Variants in MFGE8 observed in about 807,000 individuals in gnomAD.
MFGE8 encodes lactadherin.
MFGE8 carries 34 observed loss-of-function variants against 42.6 expected under a neutral mutation model. That is an observed-to-expected ratio of 0.80 (90% CI 0.61 to 1.06). The LOEUF (loss-of-function observed/expected upper bound fraction) is 1.06. MFGE8 is among the 50% of genes least tolerant of loss of function. The pLI is 0.00. For missense variants in MFGE8, 510 were observed against 516.9 expected (o/e 0.99, Z 0.13); for synonymous variants, 230 against 214.8 (o/e 1.07, Z -0.62).
In MFGE8 at chr15:88,906,334, C is replaced by A. The variant is rs570761395; in HGVS notation, c.540+292G>T. The A allele has an allele frequency of 1.2e-5, 6 of 483,292 alleles. No individual in the cohort carries two copies. Among genetic ancestry groups the A allele is most frequent in the African/African-American group, 5.9e-5 (3 of 51,212 alleles). The allele number at this position is 483,292 out of a possible 1,614,324, so 29.9% of individuals were successfully genotyped here. ...TACAACCTACACAACTGTACATGTA[C>A]CCATGAAGGCTCAGAATGAAACCCA... On this transcript the variant is annotated intron_variant, in intron 4 of 7. Coordinates refer to ENST00000268150, the MANE Select transcript of MFGE8 (RefSeq NM_005928.4). The surrounding 1 kb of genome is among the most constrained non-coding windows in gnomAD (Gnocchi z 4.2).
chr15:88,907,447 C>G, intron 2 of MFGE8, 71 bp from the exon 3 acceptor site: 2 of 1,420,160 alleles, frequency 1.4e-6, no homozygotes, highest in Non-Finnish European at 2.0e-6. Flanking sequence ...ACCCAGCGGA[C>G]AAGAAAATAA....
intron 1 of MFGE8, chr15:88,910,373 C>T (rs1035606978): frequency 1.5e-5 from 4 of 268,494 alleles, no homozygotes; most frequent in African/African-American, 8.8e-5. Flanking sequence ...GTTCCGCCCA[C>T]CAATTCAGGC....
Position 88,906,762 on chromosome 15 carries a change from C to A in MFGE8, c.404G>T (p.Arg135Met). 1 of 1,613,136 alleles carries A rather than the reference C, an allele frequency of 6.2e-7. No individual in the cohort carries two copies. The highest frequency in any genetic ancestry group is 8.5e-7 in the Non-Finnish European group (1 of 1,179,874). Reference protein sequence around the residue: ...NPWIQVNLLRRMWVTGVVTQG... With the variant: ...NPWIQVNLLRMMWVTGVVTQG... ...CGTCACCACACCTGTTACCCACATCCTCCGCAGCAGGTTCACCTGGACACA... is the reference window on the plus strand; with the variant it reads ...CGTCACCACACCTGTTACCCACATCATCCGCAGCAGGTTCACCTGGACACA... The change falls in exon 4 of 8, where the codon AGG (arginine) becomes ATG (methionine). Residue 135 changes from arginine (R) to methionine (M), a missense_variant. By Grantham distance (91) the Arg-to-Met change is moderately conservative (BLOSUM62 -1). Transcript: ENST00000268150. This position sits in a 1 kb window ranked among gnomAD's most constrained non-coding sequence, Gnocchi z 4.2.
intron 2 of MFGE8, 60 bp from the exon 3 acceptor site, chr15:88,907,436 G>A: frequency 6.7e-7 from 1 of 1,493,190 alleles, no homozygotes; most frequent in East Asian, 2.3e-5. Flanking sequence ...GCCCAGCTGG[G>A]ACCCAGCGGA....
intron 1 of MFGE8, 96 bp from the exon 2 acceptor site, chr15:88,910,019 C>T (rs1021531028): frequency 6.7e-7 from 1 of 1,482,710 alleles, no homozygotes; most frequent in African/African-American, 1.4e-5. Context: ...AAGGACCCTC[C>T]ACTCAAACTC....
intron 2 of MFGE8, among the ~76,000 whole-genome samples, chr15:88,908,478 A>G (rs78447241): frequency 1.8e-3 from 281 of 152,250 alleles, no homozygotes; most frequent in African/African-American, 6.6e-3. Flanking sequence ...TGTTGGCTCC[A>G]AGGAAACATA....
At chr15:88,900,821 A>G in intron 6 of MFGE8, 4 of 889,188 alleles carry the variant, frequency 4.5e-6, no homozygotes, top group Non-Finnish European at 5.4e-6. Context: ...GTCAGAGAAT[A>G]TGTATGCTGT....
At chr15:88,901,786 G>T in intron 5 of MFGE8, 51 bp from the exon 6 acceptor site, 10 of 1,562,450 alleles carry the variant, frequency 6.4e-6, no homozygotes, top group Non-Finnish European at 8.8e-6. Context: ...AGCTCCCAGG[G>T]GCAGGAGCAC....
rs1040728223 is a variant in MFGE8, at chr15:88,899,244, A to T, written c.*151T>A. 4.8e-6 allele frequency: 5 copies of T among 1,049,170 alleles called. No homozygotes were observed. The East Asian group carries it at 1.3e-4, about 27-fold the overall frequency. 65.0% of individuals were successfully genotyped at this position (1,049,170 alleles called of 1,614,324 possible). A position where few individuals can be genotyped will look rare whatever the true frequency, so the allele number is the denominator to read the frequency against. On this transcript the variant is annotated 3_prime_UTR_variant, in exon 8 of 8. Transcript: ENST00000268150. The surrounding 1 kb of genome is among the most constrained non-coding windows in gnomAD (Gnocchi z 6.8). ...GCCCGTGAGAGGTGGAGGGTGGGAA[A>T]GAGGGAGGGAGGGGTGACTGTGTGG...
chr15:88,902,573 G>C lies in MFGE8; in HGVS notation c.686-838C>G, dbSNP rs926158978. On this transcript the variant is annotated intron_variant, in intron 5 of 7. Transcript: ENST00000268150. This position sits in a 1 kb window ranked among gnomAD's most constrained non-coding sequence, Gnocchi z 4.3. Reference sequence around the variant, plus strand: ...CCAGAGGGCCTTCGCACACTCAAATGTTCTGGGGATGCTGTCACACAGGCC... The same window carrying C: ...CCAGAGGGCCTTCGCACACTCAAATCTTCTGGGGATGCTGTCACACAGGCC... 6.6e-6 allele frequency: 1 copy of C among 152,284 alleles called. No homozygotes were observed. Among genetic ancestry groups the C allele is most frequent in the African/African-American group, 2.4e-5 (1 of 41,466 alleles). The allele number at this position is 152,284 out of a possible 1,614,324, so 9.4% of individuals were successfully genotyped here. A position where few individuals can be genotyped will look rare whatever the true frequency, so the allele number is the denominator to read the frequency against.
At chr15:88,900,305 G>T (rs1898302521) in intron 6 of MFGE8, among the ~76,000 whole-genome samples, 1 of 151,714 alleles carries the variant, frequency 6.6e-6, no homozygotes, top group South Asian at 2.1e-4. Flanking sequence ...GCCACACATG[G>T]TGTTCGGTAC....
At chr15:88,900,057 A>G (rs1331963616) in intron 6 of MFGE8, among the ~76,000 whole-genome samples, 2 of 152,136 alleles carry the variant, frequency 1.3e-5, no homozygotes, top group African/African-American at 4.8e-5. Context: ...CCTGACCAAC[A>G]TGGTGAAACC....
chr15:88,908,664 C>G (rs145075664), intron 2 of MFGE8, among the ~76,000 whole-genome samples: 76 of 152,304 alleles, frequency 5.0e-4, no homozygotes, highest in African/African-American at 1.6e-3. Context: ...GTTACCTCAG[C>G]TCCCAGGATA....
intron 1 of MFGE8, chr15:88,910,382 G>T: frequency 3.8e-6 from 1 of 263,238 alleles, no homozygotes; most frequent in South Asian, 4.7e-5. Flanking sequence ...ACCAATTCAG[G>T]CACAGGTTGC....
Position 88,901,214 on chromosome 15 carries a change from C to T in MFGE8, c.870+337G>A, listed in dbSNP as rs1259778805. ...ACACATTCACACATTCACACACACA[C>T]ATTCACACATACACATTCACACACA... On this transcript the variant is annotated intron_variant, in intron 6 of 7. Transcript: ENST00000268150. Among the ~76,000 whole-genome samples the T allele has an allele frequency of 2.3e-5, 3 of 129,120 alleles. 1 individual carries two copies. The highest frequency in any genetic ancestry group is 8.1e-5 in the African/African-American group (3 of 36,848). 84.7% of individuals were successfully genotyped at this position (129,120 alleles called of 152,430 possible). A position where few individuals can be genotyped will look rare whatever the true frequency, so the allele number is the denominator to read the frequency against.
Position 88,899,276 on chromosome 15 carries a change from T to G in MFGE8, c.*119A>C, listed in dbSNP as rs1217873077. On this transcript the variant is annotated 3_prime_UTR_variant, in exon 8 of 8. Coordinates refer to ENST00000268150, the MANE Select transcript of MFGE8 (RefSeq NM_005928.4). The surrounding 1 kb of genome is among the most constrained non-coding windows in gnomAD (Gnocchi z 6.8). The stretch of plus-strand genomic sequence containing the variant: ...GGGAGGGGTGACTGTGTGGTGGTGC[T>G]GCCTCTGAACACCCTCCCCTTCCCC... 2 of 1,376,258 alleles carry G rather than the reference T, an allele frequency of 1.5e-6. No individual in the cohort carries two copies. Among genetic ancestry groups the G allele is most frequent in the Middle Eastern group, 2.5e-4 (1 of 4,038 alleles). 85.3% of individuals were successfully genotyped at this position (1,376,258 alleles called of 1,614,324 possible). A position where few individuals can be genotyped will look rare whatever the true frequency, so the allele number is the denominator to read the frequency against.
intron 2 of MFGE8, among the ~76,000 whole-genome samples, chr15:88,907,609 G>A (rs1898753856): frequency 6.6e-6 from 1 of 152,080 alleles, no homozygotes; most frequent in Non-Finnish European, 1.5e-5. Context: ...AGGGGGGTGG[G>A]CAGAGTCACG....
At chr15:88,908,539 C>G (rs981488468) in intron 2 of MFGE8, among the ~76,000 whole-genome samples, 1 of 152,162 alleles carries the variant, frequency 6.6e-6, no homozygotes, top group African/African-American at 2.4e-5. Context: ...GGGCTTCCTC[C>G]GCTGTGTGGT....
intron 2 of MFGE8, 30 bp from the exon 3 acceptor site, chr15:88,907,406 C>A: frequency 6.2e-7 from 1 of 1,610,684 alleles, no homozygotes; most frequent in Non-Finnish European, 8.5e-7. Flanking sequence ...AGTCAGGTGG[C>A]TACCCCAGCA....
Sources: gnomAD v4.1 joint callset for allele counts (sites outside exome capture counted in the v4.1 genomes callset) on GRCh38, gnomAD v4.1.1 for gene constraint, Gnocchi (gnomAD v3.1) non-coding constraint, MANE v1.5 for transcripts, NCBI Gene and HGNC (gene_info 2026-07-23, HGNC 2026-07-21) for gene names.